Variants in NBAS observed in about 807,000 individuals in gnomAD.
NBAS encodes NAG/BC035112 fusion.
NBAS carries 219 observed loss-of-function variants against 302.5 expected under a neutral mutation model. The observed-to-expected ratio is 0.72, with a 90% CI of 0.65 to 0.81. NBAS has a LOEUF of 0.81. Among genes scored for constraint, NBAS ranks in the 30% least tolerant of loss-of-function variants. The pLI is 0.00. For synonymous variants in NBAS, 1,118 were observed against 1,021.6 expected, an observed-to-expected ratio of 1.09 and a Z score of -1.80; for missense variants, 2,932 against 2,841.6, an observed-to-expected ratio of 1.03 and a Z score of -0.72.
At chr2:15,096,523 G>T in the NBAS span, among the ~76,000 whole-genome samples, 1 of 152,336 alleles carries the variant, frequency 6.6e-6, no homozygotes, top group East Asian at 1.9e-4. Context: ...AAGTCCTTCA[G>T]TCCTTCATTA....
At chr2:14,792,673 A>AT in the NBAS span, among the ~76,000 whole-genome samples, 2 of 150,796 alleles carry the variant, frequency 1.3e-5, no homozygotes, top group African/African-American at 4.9e-5. Flanking sequence ...ACCTATGGAA[A>AT]TTAAAAAAAA....
At chr2:14,875,396 CACG>C in the NBAS span, among the ~76,000 whole-genome samples, 3 of 152,118 alleles carry the variant, frequency 2.0e-5, no homozygotes, top group Non-Finnish European at 4.4e-5. Context: ...AGGTGGCGAA[CACG>C]AGGTCAGGAG....
the NBAS span, among the ~76,000 whole-genome samples, chr2:14,872,067 G>GA: frequency 1.3e-5 from 2 of 152,060 alleles, no homozygotes; most frequent in African/African-American, 4.8e-5. Flanking sequence ...TACTAGGATG[G>GA]AAAAACACAT....
At chr2:15,282,206 T>C (rs1027432018) in intron 42 of NBAS, among the ~76,000 whole-genome samples, 2 of 152,170 alleles carry the variant, frequency 1.3e-5, no homozygotes, top group African/African-American at 4.8e-5. Context: ...GATTAATAAC[T>C]AATAGGGGTT....
At chr2:15,492,462 T>C (rs1425418278) in intron 11 of NBAS, among the ~76,000 whole-genome samples, 2 of 152,012 alleles carry the variant, frequency 1.3e-5, no homozygotes, top group African/African-American at 4.8e-5. Flanking sequence ...CCTTTATGTA[T>C]TTATTTATTT....
chr2:15,200,217 T>G (rs1665812966), intron 48 of NBAS, among the ~76,000 whole-genome samples: 2 of 152,108 alleles, frequency 1.3e-5, no homozygotes. Flanking sequence ...TTATGATTAC[T>G]TCTACTGAGA....
chr2:15,338,650 C>T (rs1318030636), intron 35 of NBAS, among the ~76,000 whole-genome samples: 1 of 147,714 alleles, frequency 6.8e-6, no homozygotes, highest in Non-Finnish European at 1.5e-5. Context: ...TGCATGTGCA[C>T]TCACATGAAT....
At chr2:14,781,648 CA>C in the NBAS span, among the ~76,000 whole-genome samples, 1 of 151,638 alleles carries the variant, frequency 6.6e-6, no homozygotes, top group Admixed American at 6.6e-5. Flanking sequence ...GAGCCATAAC[CA>C]GACTGGGGCC....
the NBAS span, among the ~76,000 whole-genome samples, chr2:14,896,972 T>C: frequency 6.6e-6 from 1 of 151,998 alleles, no homozygotes; most frequent in African/African-American, 2.4e-5. Flanking sequence ...AGGCCCCTAC[T>C]AGAGCTGCAT....
the NBAS span, among the ~76,000 whole-genome samples, chr2:15,060,106 T>C: frequency 6.6e-6 from 1 of 152,130 alleles, no homozygotes; most frequent in Non-Finnish European, 1.5e-5. Context: ...AGTCACCTAA[T>C]GTTACTAGGC....
chr2:15,349,266 T>C (rs1359611747), intron 35 of NBAS, among the ~76,000 whole-genome samples: 2 of 152,198 alleles, frequency 1.3e-5, no homozygotes, highest in African/African-American at 2.4e-5. Flanking sequence ...AGGTCTTCAA[T>C]TGGACCTTGA....
chr2:15,452,578 ACT>A (rs1188056957), intron 21 of NBAS, among the ~76,000 whole-genome samples: 1 of 145,962 alleles, frequency 6.9e-6, no homozygotes, highest in African/African-American at 2.6e-5. Flanking sequence ...ACACAGAGAG[ACT>A]CTGTCTCAAA....
At chr2:15,258,675 C>G (rs1005055833) in intron 44 of NBAS, among the ~76,000 whole-genome samples, 7 of 152,122 alleles carry the variant, frequency 4.6e-5, no homozygotes, top group African/African-American at 1.7e-4. Context: ...CAGTTGTCTG[C>G]TCTCGAACCC....
intron 42 of NBAS, among the ~76,000 whole-genome samples, chr2:15,284,770 C>G (rs574756221): frequency 1.3e-5 from 2 of 152,298 alleles, no homozygotes; most frequent in South Asian, 4.1e-4. Context: ...CAAACAGCTG[C>G]CTTTTAAGTA....
chr2:14,986,229 G>GA, the NBAS span, among the ~76,000 whole-genome samples: 6,631 of 146,028 alleles, frequency 0.045, 464 homozygotes, highest in African/African-American at 0.15. Flanking sequence ...CATAATTGGG[G>GA]AAAAAAAAAA....
the NBAS span, among the ~76,000 whole-genome samples, chr2:15,109,472 T>C: frequency 6.6e-6 from 1 of 152,148 alleles, no homozygotes; most frequent in South Asian, 2.1e-4. Flanking sequence ...TATGGAACTA[T>C]GGGGTGCTAT....
intron 22 of NBAS, among the ~76,000 whole-genome samples, 159 bp from the exon 23 acceptor site, chr2:15,424,627 C>A (rs1558325804): frequency 6.6e-6 from 1 of 152,188 alleles, no homozygotes; most frequent in Non-Finnish European, 1.5e-5. Context: ...CGCACCCTTA[C>A]AAGATAAATG....
intron 31 of NBAS, among the ~76,000 whole-genome samples, chr2:15,373,078 T>C (rs1674566488): frequency 6.6e-6 from 1 of 152,136 alleles, no homozygotes; most frequent in Admixed American, 6.6e-5. Flanking sequence ...TGCAATTAAA[T>C]AAATATTTGA....
chr2:14,890,848 C>CA, the NBAS span: 56 of 139,164 alleles, frequency 4.0e-4, no homozygotes, highest in South Asian at 2.3e-3. Context: ...AACAAACAAA[C>CA]AACAACAAAA....
Sources: allele counts gnomAD v4.1 joint callset (sites outside exome capture counted in the v4.1 genomes callset), GRCh38; gene constraint gnomAD v4.1.1; transcripts MANE v1.5; gene names NCBI Gene and HGNC (gene_info 2026-07-23, HGNC 2026-07-21).